Variants in PRIM2 observed in about 807,000 individuals in gnomAD.
PRIM2 encodes the protein DNA primase large subunit.
A neutral mutation model predicts 67.3 loss-of-function variants in PRIM2; 39 were observed. The observed-to-expected ratio is 0.58, with a 90% CI of 0.45 to 0.76. The LOEUF (loss-of-function observed/expected upper bound fraction) is 0.76, where lower values mean the gene tolerates loss of function less well. PRIM2 is among the 30% of genes least tolerant of loss of function. The pLI is 0.00. For missense variants in PRIM2, 398 were observed against 598.7 expected, an observed-to-expected ratio of 0.66 and a Z score of 3.50; for synonymous variants, 143 against 198.7, an observed-to-expected ratio of 0.72 and a Z score of 2.36.
chr6:57,429,958 AC>A lies in PRIM2; in HGVS notation c.693+47794del, dbSNP rs1283409208. 4.6e-5 allele frequency among the ~76,000 whole-genome samples: 7 copies of A among 152,180 alleles called. No individual in the cohort carries two copies. The East Asian group carries it at 1.4e-3, about 29-fold the overall frequency. Reference sequence around the variant, plus strand: ...CATCTTTTCATTTGCTTATTTTCCAACCCCTATATTCTCACTAGTTGAGTAA... The same window carrying A: ...CATCTTTTCATTTGCTTATTTTCCAACCCTATATTCTCACTAGTTGAGTAA... On this transcript the variant is annotated intron_variant, in intron 7 of 13. Transcript: ENST00000615550.
the PRIM2 span, among the ~76,000 whole-genome samples, chr6:57,227,421 A>T: frequency 2.0e-5 from 3 of 152,216 alleles, no homozygotes; most frequent in African/African-American, 2.4e-5. Flanking sequence ...AGGCAGGAGG[A>T]TCACCTGAGG....
rs1161534109 is a variant in PRIM2 at position 57,566,725 on chromosome 6, A to G, written c.1020+29100A>G. Reference sequence around the variant, plus strand: ...CTTTAAAAGTTAAGGGATGAGAAATAGGATGATTTAGGATAAGCCGCTTTC... The same window carrying G: ...CTTTAAAAGTTAAGGGATGAGAAATGGGATGATTTAGGATAAGCCGCTTTC... On this transcript the variant is annotated intron_variant, in intron 10 of 13. Transcript: ENST00000615550. Among the ~76,000 whole-genome samples, 213 of 152,306 alleles carry G rather than the reference A, an allele frequency of 1.4e-3. 5 individuals carry two copies. In the East Asian group the frequency reaches 0.019, roughly 14 times the overall value.
intron 7 of PRIM2, among the ~76,000 whole-genome samples, chr6:57,496,380 G>A (rs1554346389): frequency 6.6e-6 from 1 of 152,122 alleles, no homozygotes; most frequent in African/African-American, 2.4e-5. Flanking sequence ...AAGGAATCAT[G>A]GCCTATACTG....
chr6:57,440,933 A>T (rs375647320), intron 7 of PRIM2, among the ~76,000 whole-genome samples: 3,679 of 152,288 alleles, frequency 0.024, 58 homozygotes, highest in Middle Eastern at 0.044. Flanking sequence ...AACAGAAATT[A>T]TGCTGATTTG....
intron 7 of PRIM2, chr6:57,434,949 A>ATTT: frequency 1.4e-5 from 2 of 146,894 alleles, no homozygotes; most frequent in East Asian, 2.0e-4. Flanking sequence ...TGATTTTTGT[A>ATTT]TTTTTTTTTT....
intron 4 of PRIM2, among the ~76,000 whole-genome samples, chr6:57,324,914 TAG>T (rs1767794740): frequency 6.6e-6 from 1 of 152,216 alleles, no homozygotes; most frequent in Non-Finnish European, 1.5e-5. Context: ...GTTTTGGTTC[TAG>T]AGTTTTTCTT....
chr6:57,453,475 G>A (rs1460839637), intron 7 of PRIM2, among the ~76,000 whole-genome samples: 1 of 152,102 alleles, frequency 6.6e-6, no homozygotes, highest in Non-Finnish European at 1.5e-5. Flanking sequence ...GCAGCAGTTT[G>A]TAGTTCTCCT....
chr6:57,230,005 T>C, the PRIM2 span, among the ~76,000 whole-genome samples: 1 of 152,202 alleles, frequency 6.6e-6, no homozygotes, highest in African/African-American at 2.4e-5. Context: ...CTGCTTTTGA[T>C]ATTTGCTTTT....
At chr6:57,328,074 C>T (rs1412273269) in intron 5 of PRIM2, among the ~76,000 whole-genome samples, 2 of 152,200 alleles carry the variant, frequency 1.3e-5, no homozygotes, top group African/African-American at 4.8e-5. Context: ...TCACTGCTCA[C>T]CTCCTGTGCA....
chr6:57,247,061 A>G, the PRIM2 span, among the ~76,000 whole-genome samples: 3 of 152,086 alleles, frequency 2.0e-5, no homozygotes, highest in Non-Finnish European at 4.4e-5. Context: ...TCACCGTGTT[A>G]GCCAGGATGG....
chr6:57,526,095 G>T (rs1554349358), intron 8 of PRIM2, among the ~76,000 whole-genome samples: 2 of 152,084 alleles, frequency 1.3e-5, no homozygotes, highest in Non-Finnish European at 2.9e-5. Flanking sequence ...GCATTTATAT[G>T]GTTCTGTTTC....
chr6:57,363,266 G>GTCTACTCA (rs981012204), intron 5 of PRIM2, among the ~76,000 whole-genome samples: 4 of 152,136 alleles, frequency 2.6e-5, no homozygotes, highest in African/African-American at 9.6e-5. Flanking sequence ...TCACCCTTGG[G>GTCTACTCA]TCTACTCATC....
chr6:57,236,193 C>A, the PRIM2 span, among the ~76,000 whole-genome samples: 1 of 152,182 alleles, frequency 6.6e-6, no homozygotes, highest in East Asian at 1.9e-4. Flanking sequence ...AATTCTGATG[C>A]CTAAAGTCAG....
intron 5 of PRIM2, among the ~76,000 whole-genome samples, chr6:57,368,039 A>G (rs1769422691): frequency 6.6e-6 from 1 of 152,198 alleles, no homozygotes; most frequent in South Asian, 2.1e-4. Flanking sequence ...GCCCTTTATA[A>G]TCACAGTATT....
intron 10 of PRIM2, among the ~76,000 whole-genome samples, chr6:57,586,171 T>C (rs1776183148): frequency 6.6e-6 from 1 of 152,160 alleles, no homozygotes; most frequent in African/African-American, 2.4e-5. Context: ...ATTAGAGAGG[T>C]AGCGAGATCC....
At chr6:57,232,245 G>T in the PRIM2 span, among the ~76,000 whole-genome samples, 1 of 152,166 alleles carries the variant, frequency 6.6e-6, no homozygotes, top group Non-Finnish European at 1.5e-5. Context: ...CCTCAAATTT[G>T]TAAGTTTAAA....
intron 11 of PRIM2, among the ~76,000 whole-genome samples, chr6:57,602,258 G>A (rs1169086144): frequency 6.6e-6 from 1 of 152,124 alleles, no homozygotes; most frequent in African/African-American, 2.4e-5. Flanking sequence ...ACGAGGTTTC[G>A]CCTAGTTGGC....
chr6:57,566,476 C>T (rs1407919686), intron 10 of PRIM2, among the ~76,000 whole-genome samples: 2 of 152,064 alleles, frequency 1.3e-5, no homozygotes, highest in African/African-American at 2.4e-5. Flanking sequence ...GTTTGGCTTC[C>T]TCAGAAATAA....
intron 5 of PRIM2, among the ~76,000 whole-genome samples, chr6:57,337,237 T>G (rs1198095387): frequency 6.6e-6 from 1 of 151,914 alleles, no homozygotes; most frequent in Non-Finnish European, 1.5e-5. Context: ...ACAAAGAGAC[T>G]TAGACTCCCA....
Sources: gnomAD v4.1 joint callset for allele counts (sites outside exome capture counted in the v4.1 genomes callset) on GRCh38, gnomAD v4.1.1 for gene constraint, MANE v1.5 for transcripts, NCBI Gene and HGNC (gene_info 2026-07-23, HGNC 2026-07-21) for gene names.